The following NECAB2 variants were observed in gnomAD, a reference collection of about 807,000 sequenced individuals.
NECAB2 encodes N-terminal EF-hand calcium-binding protein 2.
Under a neutral mutation model 51.9 loss-of-function variants are expected in NECAB2, and 68 were observed. That is an observed-to-expected ratio of 1.31 (90% CI 1.08 to 1.60). The LOEUF (loss-of-function observed/expected upper bound fraction) is 1.60, where lower values mean the gene tolerates loss of function less well. NECAB2 is among the 40% of genes most tolerant of loss of function. The pLI, the probability that NECAB2 is intolerant of heterozygous loss-of-function variation, is 0.00. For missense variants in NECAB2, 854 were observed against 490.3 expected, an observed-to-expected ratio of 1.74 and a Z score of -7.00; for synonymous variants, 329 against 203.5, an observed-to-expected ratio of 1.62 and a Z score of -5.25.
chr16:84,002,250 G>A (rs1013388839), intron 12 of NECAB2, 68 bp from the exon 13 acceptor site: 52 of 1,569,892 alleles, frequency 3.3e-5, no homozygotes, highest in African/African-American at 1.5e-4. Flanking sequence ...CATTCAAGAC[G>A]ACCACCACCA....
chr16:83,987,149 A>T (rs1391254363), intron 5 of NECAB2, among the ~76,000 whole-genome samples: 2 of 152,258 alleles, frequency 1.3e-5, no homozygotes, highest in African/African-American at 2.4e-5. Context: ...GCTCCTGAAT[A>T]AGGAAAGACT....
At chr16:83,997,989 C>T (rs1365671546) in intron 9 of NECAB2, among the ~76,000 whole-genome samples, 3 of 152,078 alleles carry the variant, frequency 2.0e-5, no homozygotes, top group Admixed American at 1.3e-4. Context: ...GTCTGTTTTC[C>T]CCATTTTTGG....
chr16:83,967,450 G>GTGGA (rs1204994979), upstream of NECAB2, among the ~76,000 whole-genome samples: 28 of 111,582 alleles, frequency 2.5e-4, no homozygotes, highest in Non-Finnish European at 4.2e-4. Flanking sequence ...TGGTGGGTGG[G>GTGGA]TGGATGGATG....
At chr16:84,000,082 G>GTGTT (rs1189283567) in intron 10 of NECAB2, among the ~76,000 whole-genome samples, 6 of 151,172 alleles carry the variant, frequency 4.0e-5, no homozygotes, top group South Asian at 4.2e-4. Context: ...TAAAGAGACA[G>GTGTT]TGTTTTGCCA....
chr16:83,978,259 G>A (rs2084439431), intron 2 of NECAB2, among the ~76,000 whole-genome samples, 185 bp from the exon 3 acceptor site: 1 of 152,208 alleles, frequency 6.6e-6, no homozygotes, highest in South Asian at 2.1e-4. Flanking sequence ...AGCTGGGTGG[G>A]TAGGGATTAT....
chr16:83,976,405 TAAG>T (rs1294380759), intron 2 of NECAB2, among the ~76,000 whole-genome samples: 3 of 152,176 alleles, frequency 2.0e-5, no homozygotes, highest in Non-Finnish European at 4.4e-5. Flanking sequence ...TCGTGAGTGT[TAAG>T]AAGACTAAAG....
intron 11 of NECAB2, 77 bp downstream of exon 11, chr16:84,000,878 C>A: frequency 6.9e-7 from 1 of 1,447,404 alleles, no homozygotes; most frequent in Non-Finnish European, 9.7e-7. Flanking sequence ...GCCAGGCATC[C>A]TTGGAGGGGA....
intron 10 of NECAB2, among the ~76,000 whole-genome samples, chr16:83,998,916 GC>G (rs2084764665): frequency 1.3e-5 from 2 of 152,198 alleles, no homozygotes; most frequent in South Asian, 2.1e-4. Context: ...TGTGGCCAGG[GC>G]CAGAGTGGAG....
intron 2 of NECAB2, among the ~76,000 whole-genome samples, chr16:83,972,784 G>C (rs1315311620): frequency 3.3e-5 from 5 of 152,208 alleles, no homozygotes; most frequent in Admixed American, 2.6e-4. Flanking sequence ...GGAATTCATA[G>C]CGCTCCACTT....
intron 6 of NECAB2, among the ~76,000 whole-genome samples, chr16:83,991,894 A>T (rs1419546355): frequency 6.6e-6 from 1 of 150,932 alleles, no homozygotes; most frequent in Non-Finnish European, 1.5e-5. Flanking sequence ...GGTCTCAGCA[A>T]TCCTGCTGTC....
chr16:83,976,540 A>G (rs2084413536), intron 2 of NECAB2, among the ~76,000 whole-genome samples: 1 of 152,140 alleles, frequency 6.6e-6, no homozygotes, highest in Non-Finnish European at 1.5e-5. Flanking sequence ...ACAGAAAGCA[A>G]CAACTTCGAT....
chr16:83,986,756 G>T (rs191697393), intron 5 of NECAB2, among the ~76,000 whole-genome samples: 1 of 150,346 alleles, frequency 6.7e-6, no homozygotes, highest in East Asian at 2.0e-4. Flanking sequence ...CTGGGCTGAA[G>T]CAATCATCTC....
intron 8 of NECAB2, among the ~76,000 whole-genome samples, chr16:83,995,741 A>G (rs1386589826): frequency 1.3e-5 from 2 of 152,136 alleles, no homozygotes; most frequent in African/African-American, 4.8e-5. Context: ...GGCTCCCCGC[A>G]TGGAGGGAGA....
At chr16:83,996,747 A>T (rs753553118) in intron 8 of NECAB2, among the ~76,000 whole-genome samples, 2 of 152,106 alleles carry the variant, frequency 1.3e-5, no homozygotes, top group Non-Finnish European at 2.9e-5. Context: ...AACAGAGCAG[A>T]TGTGGTTCCT....
chr16:83,966,341 G>A (rs889478159), upstream of NECAB2: 6 of 358,806 alleles, frequency 1.7e-5, no homozygotes, highest in Admixed American at 8.7e-5. Flanking sequence ...GCTCTCATGC[G>A]TCTGAGGACT....
intron 10 of NECAB2, among the ~76,000 whole-genome samples, chr16:84,000,123 C>G (rs537114608): frequency 6.6e-6 from 1 of 151,976 alleles, no homozygotes; most frequent in Non-Finnish European, 1.5e-5. Context: ...AACTCCTGAC[C>G]TCACGTAATC....
chr16:83,980,871 G>A lies in NECAB2; in HGVS notation c.361+7G>A. The A allele has an allele frequency of 6.2e-7, 1 of 1,610,478 alleles. No individual in the cohort carries two copies. Among genetic ancestry groups the A allele is most frequent in the Non-Finnish European group, 8.5e-7 (1 of 1,178,042 alleles). ...GACACCAAGGAGCTGTGTGGTAGGT[G>A]CCTGGCTATGCTGGGACCAAGATGG... On this transcript the variant is annotated splice_region_variant and intron_variant, in intron 4 of 12. Coordinates refer to ENST00000305202, the MANE Select transcript of NECAB2 (RefSeq NM_019065.3).
rs149469011 is a variant in NECAB2 at position 83,979,297 on chromosome 16, G to A, written c.335+745G>A. ...TCGCGTGATGAGGACCCAAGCTTCT[G>A]GAGGGCTGCTTAGGGCACATTTGGT... On this transcript the variant is annotated intron_variant, in intron 3 of 12. Coordinates refer to ENST00000305202, the MANE Select transcript of NECAB2 (RefSeq NM_019065.3). Among the ~76,000 whole-genome samples, 367 of 152,286 alleles carry A rather than the reference G, an allele frequency of 2.4e-3. 1 individual carries two copies. The highest frequency in any genetic ancestry group is 8.4e-3 in the African/African-American group (349 of 41,556).
At chr16:84,002,251 A>C (rs2084852203) in intron 12 of NECAB2, 67 bp from the exon 13 acceptor site, 3 of 1,572,408 alleles carry the variant, frequency 1.9e-6, no homozygotes, top group Non-Finnish European at 1.7e-6. Flanking sequence ...ATTCAAGACG[A>C]CCACCACCAG....
Sources: gnomAD v4.1 joint callset for allele counts (sites outside exome capture counted in the v4.1 genomes callset) on GRCh38, gnomAD v4.1.1 for gene constraint, MANE v1.5 for transcripts, NCBI Gene and HGNC (gene_info 2026-07-23, HGNC 2026-07-21) for gene names.